TAFA2: variants seen among roughly 807,000 people sequenced by gnomAD.
TAFA2 encodes TAFA chemokine like family member 2.
TAFA2 carries 7 observed loss-of-function variants against 18.8 expected under a neutral mutation model. The observed-to-expected ratio is 0.37, with a 90% CI of 0.21 to 0.70. The LOEUF is 0.70. TAFA2 is among the 30% of genes least tolerant of loss of function. The probability of loss-of-function intolerance (pLI) is 0.53; values close to 1 mark genes in which losing one functional copy is unlikely to be tolerated. For synonymous variants in TAFA2, 60 were observed against 54.2 expected, an observed-to-expected ratio of 1.11 and a Z score of -0.47; for missense variants, 122 against 158.1, an observed-to-expected ratio of 0.77 and a Z score of 1.23.
At chr12:62,188,067 C>T (rs912716530) in intron 1 of TAFA2, among the ~76,000 whole-genome samples, 1 of 152,134 alleles carries the variant, frequency 6.6e-6, no homozygotes. Context: ...GAAGTTGATG[C>T]AGCTGGTTTG....
At chr12:61,841,400 G>A (rs1273764103) in intron 2 of TAFA2, among the ~76,000 whole-genome samples, 1 of 152,022 alleles carries the variant, frequency 6.6e-6, no homozygotes, top group Non-Finnish European at 1.5e-5. Flanking sequence ...ATTTATTGAA[G>A]AGACTGGTCT....
intron 1 of TAFA2, among the ~76,000 whole-genome samples, chr12:62,062,251 C>A (rs969398061): frequency 4.6e-5 from 7 of 152,188 alleles, no homozygotes; most frequent in Non-Finnish European, 1.0e-4. Context: ...CCCTCATTTT[C>A]AAGATCAAGT....
intron 1 of TAFA2, among the ~76,000 whole-genome samples, chr12:62,113,795 G>A (rs1869839181): frequency 1.3e-5 from 2 of 152,162 alleles, no homozygotes; most frequent in Non-Finnish European, 2.9e-5. Flanking sequence ...TACAATGTGA[G>A]GGAAAAACCA....
At chr12:61,977,997 A>G (rs942454651) in intron 1 of TAFA2, among the ~76,000 whole-genome samples, 7 of 152,100 alleles carry the variant, frequency 4.6e-5, no homozygotes, top group Non-Finnish European at 1.0e-4. Flanking sequence ...TTTTATAAAA[A>G]TAATGAAAAC....
At chr12:61,739,226 A>G (rs984830116) in intron 4 of TAFA2, among the ~76,000 whole-genome samples, 6 of 152,042 alleles carry the variant, frequency 3.9e-5, no homozygotes, top group Non-Finnish European at 7.4e-5. Flanking sequence ...TGGGTTCTTA[A>G]TCATTATGCC....
chr12:62,052,104 TCAAA>T (rs1203780276), intron 1 of TAFA2, among the ~76,000 whole-genome samples: 1 of 152,204 alleles, frequency 6.6e-6, no homozygotes, highest in East Asian at 1.9e-4. Context: ...TTGAGATGAC[TCAAA>T]CATTTTCATG....
At chr12:62,048,146 G>A (rs1043116364) in intron 1 of TAFA2, among the ~76,000 whole-genome samples, 3 of 152,174 alleles carry the variant, frequency 2.0e-5, no homozygotes, top group Non-Finnish European at 4.4e-5. Flanking sequence ...TTTTCACACT[G>A]CTATAAAGAA....
chr12:62,233,005 T>C (rs1288022582), intron 1 of TAFA2, among the ~76,000 whole-genome samples: 1 of 149,518 alleles, frequency 6.7e-6, no homozygotes, highest in South Asian at 2.1e-4. Context: ...GAAATGCCTT[T>C]CTAACCCCCT....
At chr12:62,143,734 A>G (rs918903336) in intron 1 of TAFA2, among the ~76,000 whole-genome samples, 1 of 152,100 alleles carries the variant, frequency 6.6e-6, no homozygotes, top group Admixed American at 6.6e-5. Flanking sequence ...ACCCTCAGTC[A>G]AATTATCCTT....
intron 4 of TAFA2, among the ~76,000 whole-genome samples, chr12:61,721,493 C>T (rs1869894052): frequency 6.6e-6 from 1 of 152,150 alleles, no homozygotes. Flanking sequence ...AACCAAGTCA[C>T]TTAACCAACA....
intron 1 of TAFA2, among the ~76,000 whole-genome samples, chr12:61,879,041 G>T (rs1874991066): frequency 6.6e-6 from 1 of 152,142 alleles, no homozygotes; most frequent in Admixed American, 6.5e-5. Flanking sequence ...CAGGCACAGT[G>T]GTTCATGCTG....
intron 1 of TAFA2, among the ~76,000 whole-genome samples, chr12:61,996,258 T>C (rs1880183922): frequency 6.6e-6 from 1 of 152,146 alleles, no homozygotes; most frequent in South Asian, 2.1e-4. Flanking sequence ...ACCAATTTAA[T>C]TCAGATTAAG....
At chr12:61,973,115 T>C (rs1045426676) in intron 1 of TAFA2, among the ~76,000 whole-genome samples, 1 of 151,658 alleles carries the variant, frequency 6.6e-6, no homozygotes, top group African/African-American at 2.4e-5. Context: ...TGCATGTTTT[T>C]ATACACCTGT....
intron 2 of TAFA2, among the ~76,000 whole-genome samples, chr12:61,787,057 A>T (rs1400508761): frequency 6.6e-6 from 1 of 151,592 alleles, no homozygotes; most frequent in East Asian, 1.9e-4. Context: ...TACTCCCATT[A>T]AAAGAGATGA....
intron 1 of TAFA2, among the ~76,000 whole-genome samples, chr12:62,134,787 A>T (rs549000030): frequency 1.3e-5 from 2 of 151,962 alleles, no homozygotes; most frequent in Non-Finnish European, 2.9e-5. Flanking sequence ...CTACTTCTCC[A>T]GTTAACTTCA....
At chr12:61,743,919 G>C (rs1398898305) in intron 4 of TAFA2, among the ~76,000 whole-genome samples, 1 of 152,044 alleles carries the variant, frequency 6.6e-6, no homozygotes, top group Non-Finnish European at 1.5e-5. Context: ...GAGGAAAAAA[G>C]CACAGAAGCA....
intron 1 of TAFA2, among the ~76,000 whole-genome samples, chr12:62,015,962 G>A (rs1880923676): frequency 6.6e-6 from 1 of 152,142 alleles, no homozygotes; most frequent in African/African-American, 2.4e-5. Context: ...TTTTGGAGAT[G>A]GATGATGGTA....
chr12:61,784,458 G>A (rs1410194090), intron 2 of TAFA2, among the ~76,000 whole-genome samples: 1 of 151,478 alleles, frequency 6.6e-6, no homozygotes, highest in Admixed American at 6.6e-5. Flanking sequence ...GCCCTCTTCT[G>A]CTTCAAGTTT....
intron 1 of TAFA2, among the ~76,000 whole-genome samples, chr12:61,905,684 C>G (rs10735901): frequency 0.83 from 125,880 of 152,236 alleles, 52,584 homozygotes; most frequent in African/African-American, 0.94. Context: ...CAATTAGTCT[C>G]AAATGAGATT....
Sources: gnomAD v4.1 joint callset for allele counts (sites outside exome capture counted in the v4.1 genomes callset) on GRCh38, gnomAD v4.1.1 for gene constraint, MANE v1.5 for transcripts, NCBI Gene and HGNC (gene_info 2026-07-23, HGNC 2026-07-21) for gene names.